The following RXFP1 variants were observed in gnomAD, a reference collection of about 807,000 sequenced individuals.
The protein encoded by RXFP1 is relaxin family peptide receptor 1.
Under a neutral mutation model 89.8 loss-of-function variants are expected in RXFP1, and 73 were observed. The ratio of observed to expected loss-of-function variants is 0.81; its 90% CI spans 0.67 to 0.99. RXFP1 has a LOEUF of 0.99. Ranked by LOEUF, RXFP1 falls within the 50% of genes least tolerant of loss-of-function variation. RXFP1 has a pLI of 0.00. For missense variants in RXFP1, 793 were observed against 895.5 expected (o/e 0.89, Z 1.46); for synonymous variants, 277 against 305.5 (o/e 0.91, Z 0.97).
chr4:158,627,278 G>T (rs887426488), intron 10 of RXFP1, among the ~76,000 whole-genome samples: 1 of 152,042 alleles, frequency 6.6e-6, no homozygotes, highest in Admixed American at 6.6e-5. Flanking sequence ...AGTAAAGGAT[G>T]TTAGGTCTTC....
intron 1 of RXFP1, among the ~76,000 whole-genome samples, chr4:158,561,674 C>T (rs1326372351): frequency 7.4e-6 from 1 of 134,524 alleles, no homozygotes; most frequent in Non-Finnish European, 1.5e-5. Flanking sequence ...GTCACCCAGG[C>T]TGGAGTGCAG....
At chr4:158,538,125 T>A (rs2085235) in intron 1 of RXFP1, among the ~76,000 whole-genome samples, 33,906 of 152,112 alleles carry the variant, frequency 0.22, 5,413 homozygotes, top group African/African-American at 0.44. Context: ...GGTGAATAGG[T>A]TTGGCCCATT....
chr4:158,525,700 A>G (rs1742343128), intron 1 of RXFP1, among the ~76,000 whole-genome samples: 1 of 152,212 alleles, frequency 6.6e-6, no homozygotes, highest in African/African-American at 2.4e-5. Context: ...GTCTCCATGG[A>G]TGAGGAACAA....
intron 1 of RXFP1, among the ~76,000 whole-genome samples, chr4:158,549,231 A>G (rs1316749303): frequency 3.9e-5 from 6 of 152,068 alleles, no homozygotes; most frequent in Non-Finnish European, 8.8e-5. Context: ...CCTTTCTTCC[A>G]GTTGATCGCA....
At chr4:158,568,840 A>G (rs1754414215) in intron 1 of RXFP1, among the ~76,000 whole-genome samples, 1 of 152,234 alleles carries the variant, frequency 6.6e-6, no homozygotes, top group Non-Finnish European at 1.5e-5. Flanking sequence ...TTCACAAAGG[A>G]AGTAGTCACT....
intron 9 of RXFP1, among the ~76,000 whole-genome samples, chr4:158,623,553 A>G (rs1051739238): frequency 1.3e-5 from 2 of 150,882 alleles, no homozygotes; most frequent in Non-Finnish European, 3.0e-5. Flanking sequence ...TCACTCCATA[A>G]AAGATCAAGT....
intron 6 of RXFP1, among the ~76,000 whole-genome samples, chr4:158,610,108 A>AT (rs1263785617): frequency 6.6e-6 from 1 of 152,136 alleles, no homozygotes; most frequent in Admixed American, 6.5e-5. Context: ...TACTAAAAAT[A>AT]CAAAAAATTA....
chr4:158,585,475 G>C (rs1053979912), intron 2 of RXFP1, among the ~76,000 whole-genome samples: 7 of 152,074 alleles, frequency 4.6e-5, no homozygotes, highest in Admixed American at 1.3e-4. Context: ...TAACAACATG[G>C]GGGGAGAGAG....
intron 15 of RXFP1, 92 bp downstream of exon 15, chr4:158,645,230 G>A: frequency 1.1e-6 from 1 of 929,074 alleles, no homozygotes; most frequent in African/African-American, 1.7e-5. Flanking sequence ...GTAGAATTAT[G>A]GAATTTTACA....
At chr4:158,581,051 A>G (rs1757258038) in intron 2 of RXFP1, among the ~76,000 whole-genome samples, 2 of 152,132 alleles carry the variant, frequency 1.3e-5, no homozygotes, top group Non-Finnish European at 2.9e-5. Flanking sequence ...TGGCCTCCCA[A>G]AGTGCTGGGA....
At chr4:158,628,069 G>A (rs1441331834) in intron 10 of RXFP1, among the ~76,000 whole-genome samples, 6 of 152,156 alleles carry the variant, frequency 3.9e-5, no homozygotes, top group African/African-American at 1.4e-4. Context: ...AAAATTAAAA[G>A]CCCTTTAAAA....
intron 9 of RXFP1, among the ~76,000 whole-genome samples, chr4:158,622,672 A>G (rs1765845198): frequency 6.6e-6 from 1 of 152,204 alleles, no homozygotes; most frequent in Non-Finnish European, 1.5e-5. Context: ...TAAGTTGAAC[A>G]CATAGAAACA....
intron 14 of RXFP1, among the ~76,000 whole-genome samples, chr4:158,642,127 C>T (rs753132283): frequency 7.9e-5 from 12 of 151,514 alleles, no homozygotes; most frequent in East Asian, 1.9e-4. Context: ...GGCACTTCCA[C>T]GTTTAAAATC....
intron 3 of RXFP1, among the ~76,000 whole-genome samples, chr4:158,596,910 C>A (rs531487156): frequency 6.6e-6 from 1 of 151,898 alleles, no homozygotes; most frequent in South Asian, 2.1e-4. Context: ...GATCCTGCAC[C>A]CTGGAAGACA....
intron 9 of RXFP1, among the ~76,000 whole-genome samples, chr4:158,622,390 C>T (rs772849382): frequency 6.6e-6 from 1 of 152,118 alleles, no homozygotes; most frequent in Non-Finnish European, 1.5e-5. Context: ...AAGGAAATTC[C>T]ATTAGTATGT....
At chr4:158,540,356 G>C (rs1002498897) in intron 1 of RXFP1, among the ~76,000 whole-genome samples, 1 of 152,078 alleles carries the variant, frequency 6.6e-6, no homozygotes, top group Admixed American at 6.5e-5. Flanking sequence ...ACCATATAGG[G>C]TAACTGACAT....
At chr4:158,636,351 A>T (rs776785475) in intron 12 of RXFP1, among the ~76,000 whole-genome samples, 14 of 152,160 alleles carry the variant, frequency 9.2e-5, no homozygotes, top group Non-Finnish European at 1.9e-4. Context: ...ACTAAATGAG[A>T]TTATTTTATT....
intron 1 of RXFP1, among the ~76,000 whole-genome samples, chr4:158,536,185 A>G (rs536502052): frequency 6.6e-6 from 1 of 152,356 alleles, no homozygotes; most frequent in Non-Finnish European, 1.5e-5. Flanking sequence ...TCACAGCAGT[A>G]GAAAACAGCA....
At chr4:158,624,361 A>G (rs1766281444) in intron 9 of RXFP1, among the ~76,000 whole-genome samples, 1 of 152,186 alleles carries the variant, frequency 6.6e-6, no homozygotes, top group Non-Finnish European at 1.5e-5. Flanking sequence ...GGAAGCAGAT[A>G]GAGAGTAAGA....
Sources: gnomAD v4.1 joint callset for allele counts (sites outside exome capture counted in the v4.1 genomes callset) on GRCh38, gnomAD v4.1.1 for gene constraint, MANE v1.5 for transcripts, NCBI Gene and HGNC (gene_info 2026-07-23, HGNC 2026-07-21) for gene names.